SH3BGR: variants seen among roughly 807,000 people sequenced by gnomAD.
SH3BGR encodes SH3 domain binding glutamate rich protein.
Under a neutral mutation model 24.5 loss-of-function variants are expected in SH3BGR, and 29 were observed. The observed-to-expected ratio is 1.18, with a 90% CI of 0.88 to 1.61. The LOEUF (loss-of-function observed/expected upper bound fraction) is 1.61. SH3BGR is among the 40% of genes most tolerant of loss of function. SH3BGR has a pLI of 0.00. For synonymous variants in SH3BGR, 55 were observed against 65.7 expected (o/e 0.84, Z 0.79); for missense variants, 162 against 205.8 (o/e 0.79, Z 1.30).
intron 3 of SH3BGR, chr21:39,488,561 G>A (rs1216594895): frequency 6.3e-6 from 2 of 319,598 alleles, no homozygotes; most frequent in African/African-American, 2.2e-5. Context: ...CTGTGGCCAG[G>A]AACAAGGACT....
At chr21:39,459,106 T>C (rs984993815) in intron 1 of SH3BGR, among the ~76,000 whole-genome samples, 1 of 152,178 alleles carries the variant, frequency 6.6e-6, no homozygotes, top group African/African-American at 2.4e-5. Flanking sequence ...CACAATGTCT[T>C]GTGCAAAGTA....
At chr21:39,471,738 A>G (rs2077944745) in intron 2 of SH3BGR, among the ~76,000 whole-genome samples, 1 of 152,202 alleles carries the variant, frequency 6.6e-6, no homozygotes, top group Non-Finnish European at 1.5e-5. Flanking sequence ...CTGGGATTAT[A>G]GGCATGAGCC....
At chr21:39,487,908 A>G (rs908432167) in intron 3 of SH3BGR, among the ~76,000 whole-genome samples, 1 of 152,216 alleles carries the variant, frequency 6.6e-6, no homozygotes, top group Non-Finnish European at 1.5e-5. Context: ...AGGAGTACAA[A>G]AGGAAGAAGC....
At chr21:39,449,246 C>T (rs2077546737), upstream of SH3BGR, among the ~76,000 whole-genome samples, 1 of 152,228 alleles carries the variant, frequency 6.6e-6, no homozygotes. Flanking sequence ...ATACCAGCTC[C>T]TTCCTCCCTT....
At chr21:39,472,685 C>T (rs1233019691) in intron 2 of SH3BGR, among the ~76,000 whole-genome samples, 3 of 152,188 alleles carry the variant, frequency 2.0e-5, no homozygotes, top group Admixed American at 2.0e-4. Context: ...TTCCCCTTCA[C>T]CCAGAAGCAA....
intron 5 of SH3BGR, among the ~76,000 whole-genome samples, chr21:39,510,371 CACACACACACACACACACACTGTAGCT>C (rs1569177973): frequency 2.6e-4 from 38 of 147,014 alleles, no homozygotes; most frequent in Admixed American, 1.3e-3. Context: ...TACATACACA[CACACACACACACACACACACTGTAGCT>C]ACACACACAC....
chr21:39,510,756 T>C (rs563680772), intron 5 of SH3BGR, among the ~76,000 whole-genome samples: 28 of 151,384 alleles, frequency 1.8e-4, no homozygotes, highest in Non-Finnish European at 3.1e-4. Flanking sequence ...TATTGTTAAT[T>C]TGGAAGAAAT....
intron 2 of SH3BGR, among the ~76,000 whole-genome samples, chr21:39,473,429 G>T (rs2073793011): frequency 6.6e-6 from 1 of 152,154 alleles, no homozygotes; most frequent in Admixed American, 6.5e-5. Context: ...GAATCAATCA[G>T]AATTTCTGAT....
chr21:39,506,098 G>A (rs1179041388), intron 4 of SH3BGR, among the ~76,000 whole-genome samples: 4 of 152,060 alleles, frequency 2.6e-5, no homozygotes, highest in Non-Finnish European at 5.9e-5. Flanking sequence ...CCTATTTATC[G>A]AGCTTGCCTG....
At chr21:39,446,406 A>G (rs914338321) in intron 1 of SH3BGR, among the ~76,000 whole-genome samples, 3 of 152,094 alleles carry the variant, frequency 2.0e-5, no homozygotes, top group African/African-American at 7.2e-5. Flanking sequence ...ATCCTTGCAG[A>G]TGAATCTTTG....
intron 1 of SH3BGR, among the ~76,000 whole-genome samples, chr21:39,461,461 G>A (rs1447971669): frequency 1.3e-5 from 2 of 152,050 alleles, no homozygotes; most frequent in Non-Finnish European, 2.9e-5. Context: ...ATTGGCTTTT[G>A]TGATTCCAGA....
chr21:39,450,417 T>C (rs1348652817), upstream of SH3BGR, among the ~76,000 whole-genome samples: 1 of 152,210 alleles, frequency 6.6e-6, no homozygotes, highest in African/African-American at 2.4e-5. Flanking sequence ...AACTGGGATA[T>C]TCCGGGGACT....
chr21:39,451,965 AGCCCAGTGGACCCCTGGGCTGCTGC>A, exon 1 of SH3BGR: 1 of 1,614,132 alleles, frequency 6.2e-7, no homozygotes, highest in Non-Finnish European at 8.5e-7. Flanking sequence ...GGACTGCCGG[AGCCCAGTGGACCCCTGGGCTGCTGC>A]CAGCCCCGAC....
chr21:39,456,256 G>A (rs761820490), intron 1 of SH3BGR, among the ~76,000 whole-genome samples: 8 of 152,190 alleles, frequency 5.3e-5, no homozygotes, highest in Non-Finnish European at 1.2e-4. Flanking sequence ...AGAAAGAGCA[G>A]ACAGGGGTTT....
At chr21:39,513,301 A>G (rs1305419631) in intron 6 of SH3BGR, among the ~76,000 whole-genome samples, 9 of 152,200 alleles carry the variant, frequency 5.9e-5, no homozygotes, top group Non-Finnish European at 1.3e-4. Flanking sequence ...AGAAGGGTGG[A>G]TAGAAGGGTT....
chr21:39,451,188 T>C (rs1209839575), upstream of SH3BGR, among the ~76,000 whole-genome samples: 1 of 152,202 alleles, frequency 6.6e-6, no homozygotes, highest in African/African-American at 2.4e-5. Context: ...CAAATATATA[T>C]AAATAAACAC....
At chr21:39,462,952 T>C (rs1418456588) in intron 2 of SH3BGR, among the ~76,000 whole-genome samples, 1 of 152,218 alleles carries the variant, frequency 6.6e-6, no homozygotes, top group Non-Finnish European at 1.5e-5. Flanking sequence ...GGTGCAATCA[T>C]GGCTCACTGC....
chr21:39,489,424 G>A (rs753585113), intron 3 of SH3BGR, among the ~76,000 whole-genome samples: 3 of 152,250 alleles, frequency 2.0e-5, no homozygotes, highest in Non-Finnish European at 4.4e-5. Flanking sequence ...CACAGCCTCA[G>A]TGGTGTGTTC....
exon 1 of SH3BGR, chr21:39,445,949 G>A (rs1412019195): frequency 6.6e-6 from 1 of 152,160 alleles, no homozygotes; most frequent in Non-Finnish European, 1.5e-5. Flanking sequence ...TTGTGTAGAC[G>A]TCTGTAAACG....
Sources: gnomAD v4.1 joint callset for allele counts (sites outside exome capture counted in the v4.1 genomes callset) on GRCh38, gnomAD v4.1.1 for gene constraint, MANE v1.5 for transcripts, NCBI Gene and HGNC (gene_info 2026-07-23, HGNC 2026-07-21) for gene names.